The following TRPC5 variants were observed in gnomAD, a reference collection of about 807,000 sequenced individuals.
The protein encoded by TRPC5 is transient receptor potential cation channel subfamily C member 5, also known as short transient receptor potential channel 5.
TRPC5 carries 9 observed loss-of-function variants against 56.5 expected under a neutral mutation model. The observed-to-expected ratio is 0.16, with a 90% CI of 0.10 to 0.28. TRPC5 has a LOEUF of 0.28. TRPC5 is among the 10% of genes least tolerant of loss of function. The pLI is 1.00. For missense variants in TRPC5, 469 were observed against 748.9 expected (o/e 0.63, Z 4.36); for synonymous variants, 282 against 278.5 (o/e 1.01, Z -0.13).
intron 1 of TRPC5, among the ~76,000 whole-genome samples, chrX:112,065,529 C>G (rs138034117): frequency 1.4e-3 from 158 of 112,077 alleles, no homozygotes; most frequent in Non-Finnish European, 2.8e-3. Flanking sequence ...TCTCTTCCAT[C>G]TTTCCCTTGA....
intron 3 of TRPC5, among the ~76,000 whole-genome samples, chrX:111,895,545 T>C (rs2148610249): frequency 9.0e-6 from 1 of 111,466 alleles, no homozygotes; most frequent in Admixed American, 9.5e-5. Context: ...ATGTTTTTTG[T>C]CCTCTGGGAA....
chrX:111,974,746 A>T (rs1382717758), intron 1 of TRPC5, among the ~76,000 whole-genome samples: 1 of 111,074 alleles, frequency 9.0e-6, no homozygotes. Context: ...CTGTCTGGAA[A>T]ATCCCGGGAA....
intron 2 of TRPC5, among the ~76,000 whole-genome samples, chrX:111,916,825 C>T (rs1198131297): frequency 8.9e-6 from 1 of 112,540 alleles, no homozygotes; most frequent in Non-Finnish European, 1.9e-5. Flanking sequence ...AGTGTGCAGG[C>T]CAAGCAAAAT....
chrX:111,888,316 G>A (rs1424043537), intron 3 of TRPC5, among the ~76,000 whole-genome samples: 1 of 110,227 alleles, frequency 9.1e-6, no homozygotes, highest in Non-Finnish European at 1.9e-5. Flanking sequence ...TTATCAGAGG[G>A]TTTTAAATGG....
At position 111,887,309 on chromosome X, in the gene TRPC5, A is replaced by T. The variant is rs183165709; in HGVS notation, c.900+24982T>A. On this transcript the variant is annotated intron_variant, in intron 3 of 10. Transcript: ENST00000262839. ...ATGTTGCTTTCTTTCTTTCTTGGAG[A>T]GAGTGCCATTTGGGAATCATTTTCT... Among the ~76,000 whole-genome samples, 12 of 112,294 alleles carry T rather than the reference A, an allele frequency of 1.1e-4. No individual in the cohort carries two copies. The East Asian group carries it at 3.1e-3, about 29-fold the overall frequency.
At chrX:111,961,450 T>A (rs2148642661) in intron 1 of TRPC5, among the ~76,000 whole-genome samples, 1 of 111,742 alleles carries the variant, frequency 8.9e-6, no homozygotes, top group African/African-American at 3.2e-5. Flanking sequence ...ACCACCAATT[T>A]CTCTTGTGGG....
intron 2 of TRPC5, among the ~76,000 whole-genome samples, chrX:111,931,279 G>T (rs1347912836): frequency 1.8e-5 from 2 of 112,182 alleles, no homozygotes; most frequent in Non-Finnish European, 3.8e-5. Context: ...AATAGGGGAT[G>T]ATTTCCTTTA....
At chrX:112,009,148 G>A (rs1030931718) in intron 1 of TRPC5, among the ~76,000 whole-genome samples, 4 of 111,985 alleles carry the variant, frequency 3.6e-5, no homozygotes, top group African/African-American at 1.3e-4. Context: ...CTAACCACGG[G>A]CCTTCTTTAT....
chrX:112,040,398 C>G (rs1929862774), intron 1 of TRPC5, among the ~76,000 whole-genome samples: 1 of 111,813 alleles, frequency 8.9e-6, no homozygotes, highest in African/African-American at 3.2e-5. Context: ...CATTTCCAGA[C>G]TCTGGCAGAT....
intron 1 of TRPC5, among the ~76,000 whole-genome samples, chrX:111,984,210 T>C (rs1467371986): frequency 9.0e-6 from 1 of 111,560 alleles, no homozygotes; most frequent in African/African-American, 3.3e-5. Flanking sequence ...GATTCACTTC[T>C]AGGGGACTGC....
intron 3 of TRPC5, among the ~76,000 whole-genome samples, chrX:111,889,033 T>A (rs1924675845): frequency 8.9e-6 from 1 of 112,082 alleles, no homozygotes; most frequent in South Asian, 3.7e-4. Context: ...TTTACAGGAA[T>A]CAATGTAATG....
intron 3 of TRPC5, among the ~76,000 whole-genome samples, chrX:111,911,095 A>G: frequency 8.9e-6 from 1 of 111,753 alleles, no homozygotes; most frequent in African/African-American, 3.3e-5. Context: ...TTGCCCTGGT[A>G]TTTGTTTTTT....
chrX:111,843,610 G>C (rs951574906), intron 6 of TRPC5, among the ~76,000 whole-genome samples: 4 of 111,589 alleles, frequency 3.6e-5, no homozygotes, highest in Non-Finnish European at 7.5e-5. Context: ...AGCAGTAAAA[G>C]ACTGGAGAGG....
At chrX:111,880,913 C>A (rs937353829) in intron 3 of TRPC5, among the ~76,000 whole-genome samples, 1 of 111,762 alleles carries the variant, frequency 8.9e-6, no homozygotes, top group Admixed American at 9.5e-5. Flanking sequence ...AGACTGGCTA[C>A]TTCCTCACAA....
intron 1 of TRPC5, among the ~76,000 whole-genome samples, chrX:112,017,078 A>C (rs1214868885): frequency 9.0e-6 from 1 of 111,543 alleles, no homozygotes; most frequent in African/African-American, 3.3e-5. Context: ...CAGTGGTGCA[A>C]TCTCGGCTCA....
In TRPC5 at chrX:111,782,115, C is replaced by A; in HGVS notation, c.1920G>T (p.Lys640Asn). Residue 640 changes from lysine (K) to asparagine (N), a missense_variant, in exon 8 of 11, where the codon AAG becomes AAT. Lys to Asn is a moderately conservative substitution (Grantham distance 94, BLOSUM62 0). This residue lies in a region of TRPC5 where 157 missense variants were observed against 360.0 expected (regional missense o/e 0.44). Coordinates refer to ENST00000262839, the MANE Select transcript of TRPC5 (RefSeq NM_012471.3). ...LIADHADIEW[K>N]FARTKLWMSY... The stretch of plus-strand genomic sequence containing the variant: ...TCATCCAGAGCTTCGTCCTTGCAAA[C>A]TTCCACTCGATATCAGCATGATCCT... 1 of 1,209,270 alleles carries A rather than the reference C, an allele frequency of 8.3e-7. No individual in the cohort carries two copies. The highest frequency in any genetic ancestry group is 1.1e-6 in the Non-Finnish European group (1 of 894,454).
intron 3 of TRPC5, among the ~76,000 whole-genome samples, chrX:111,899,136 G>T (rs1215579723): frequency 9.2e-6 from 1 of 108,965 alleles, no homozygotes; most frequent in Non-Finnish European, 1.9e-5. Flanking sequence ...CTGAGATTGA[G>T]AATAAAAAAT....
At chrX:111,902,162 A>G (rs1456226959) in intron 3 of TRPC5, 1 of 1,136,677 alleles carries the variant, frequency 8.8e-7, no homozygotes, top group Non-Finnish European at 1.2e-6. Context: ...CTCTGGTATA[A>G]ATGATGACTT....
intron 2 of TRPC5, among the ~76,000 whole-genome samples, chrX:111,946,498 C>T (rs1261605777): frequency 9.0e-6 from 1 of 111,647 alleles, no homozygotes; most frequent in Non-Finnish European, 1.9e-5. Flanking sequence ...AATGAGAACT[C>T]GGCCCACTTT....
Sources: gnomAD v4.1 joint callset for allele counts (sites outside exome capture counted in the v4.1 genomes callset) on GRCh38, gnomAD v4.1.1 for gene constraint, gnomAD v4.1.1 regional missense constraint, MANE v1.5 for transcripts, NCBI Gene and HGNC (gene_info 2026-07-23, HGNC 2026-07-21) for gene names.